The following LAMA3 variants were observed in gnomAD, a reference collection of about 807,000 sequenced individuals.
LAMA3 encodes the protein laminin subunit alpha 3.
In LAMA3, 281 loss-of-function variants were observed where a neutral mutation model predicts 402.0. That is an observed-to-expected ratio of 0.70 (90% CI 0.63 to 0.77). LAMA3 has a LOEUF of 0.77. LAMA3 is among the 30% of genes least tolerant of loss of function. The pLI is 0.00. For missense variants in LAMA3, 3,840 were observed against 4,215.5 expected (o/e 0.91, Z 2.47); for synonymous variants, 1,431 against 1,558.4 (o/e 0.92, Z 1.93).
rs140017464 is a variant in LAMA3, at chr18:23,818,245, C to T, written c.2148-1596C>T. Among the ~76,000 whole-genome samples, 13 of 152,346 alleles carry T rather than the reference C, an allele frequency of 8.5e-5. No individual in the cohort carries two copies. The East Asian group carries it at 1.3e-3, about 16-fold the overall frequency. ...GCTTCTCCGCTACTTAACCAGCAAACATTTTTTCTTCTTCCAACTATGTAG... is the reference window on the plus strand; with the variant it reads ...GCTTCTCCGCTACTTAACCAGCAAATATTTTTTCTTCTTCCAACTATGTAG... On this transcript the variant is annotated intron_variant, in intron 18 of 74. Transcript: ENST00000313654.
chr18:23,801,747 A>G (rs1415484786), intron 12 of LAMA3, among the ~76,000 whole-genome samples: 1 of 152,132 alleles, frequency 6.6e-6, no homozygotes. Context: ...TCTAACGGAG[A>G]TGATATCTCA....
intron 69 of LAMA3, 29 bp from the exon 70 acceptor site, chr18:23,946,115 A>G: frequency 6.2e-7 from 1 of 1,609,168 alleles, no homozygotes; most frequent in Non-Finnish European, 8.5e-7. Context: ...AGGTAAAAAT[A>G]CAACTCACGT....
chr18:23,953,164 C>G, intron 74 of LAMA3, 55 bp downstream of exon 74: 8 of 1,607,574 alleles, frequency 5.0e-6, no homozygotes, highest in Non-Finnish European at 6.0e-6. Flanking sequence ...TCTGAACATT[C>G]ACTTCTTAAT....
At chr18:23,790,469 A>G (rs1222067260) in intron 12 of LAMA3, among the ~76,000 whole-genome samples, 1 of 152,230 alleles carries the variant, frequency 6.6e-6, no homozygotes, top group South Asian at 2.1e-4. Flanking sequence ...TACTGTGAAC[A>G]TGGCCAAAAA....
chr18:23,798,212 T>A (rs1301130392), intron 12 of LAMA3, among the ~76,000 whole-genome samples: 1 of 152,100 alleles, frequency 6.6e-6, no homozygotes, highest in Non-Finnish European at 1.5e-5. Flanking sequence ...TAGTTAGTAC[T>A]GGGAACAGAG....
Position 23,905,624 on chromosome 18 carries a change from G to A in LAMA3, c.6718G>A (p.Glu2240Lys), listed in dbSNP as rs1599056358. The A allele has an allele frequency of 1.3e-6, 2 of 1,561,494 alleles. No homozygotes were observed. Among genetic ancestry groups the A allele is most frequent in the Non-Finnish European group, 1.8e-6 (2 of 1,132,972 alleles). Reference protein sequence around the residue: ...AKMTQKKLKQEVSPALNNLQQ... With the variant: ...AKMTQKKLKQKVSPALNNLQQ... ...GATGACACAAAAGAAGCTAAAGCAA[G>A]GTATTAGGGGGAGTGGGCAATGGCA... Residue 2240 changes from glutamate to lysine, a missense_variant and splice_region_variant, in exon 52 of 75, where the codon GAA becomes AAA. Transcript: ENST00000313654.
In LAMA3 at chr18:23,928,527, C is replaced by T. The variant is rs1443077391; in HGVS notation, c.8296-98C>T. The T allele has an allele frequency of 4.3e-6, 5 of 1,174,012 alleles. No individual in the cohort carries two copies. The East Asian group carries it at 1.2e-4, about 27-fold the overall frequency. 72.7% of individuals were successfully genotyped at this position (1,174,012 alleles called of 1,614,324 possible). On this transcript the variant is annotated intron_variant, in intron 63 of 74. Transcript: ENST00000313654. ...TTTCTTTCTGAGGTTACATAAATCA[C>T]ATTAATCAGTTTGAGTAAAGTGAGA...
chr18:23,846,185 A>T (rs1292130801), intron 30 of LAMA3, 112 bp from the exon 31 acceptor site: 17 of 1,089,814 alleles, frequency 1.6e-5, no homozygotes, highest in Non-Finnish European at 2.4e-5. Flanking sequence ...CTCCAGAACC[A>T]TGAGCCCGTC....
chr18:23,894,832 C>T, intron 43 of LAMA3, 75 bp from the exon 44 acceptor site: 1 of 1,586,220 alleles, frequency 6.3e-7, no homozygotes, highest in Non-Finnish European at 8.7e-7. Context: ...AACTGGGCTG[C>T]ATAGCACTTG....
At chr18:23,799,319 T>C (rs533588248) in intron 12 of LAMA3, among the ~76,000 whole-genome samples, 39 of 152,348 alleles carry the variant, frequency 2.6e-4, no homozygotes, top group Middle Eastern at 3.4e-3. Context: ...AATTGAAATA[T>C]TTTTAAAGCC....
At position 23,861,667 on chromosome 18, in the gene LAMA3, C is replaced by T; in HGVS notation, c.4444C>T (p.His1482Tyr). Reference protein sequence around the residue: ...RTKFVDMLGWHLETADRVDIP... With the variant: ...RTKFVDMLGWYLETADRVDIP... ...CCAGTTTGTGGATATGCTGGGCTGG[C>T]ACCTGGAGACAGCAGACAGAGTGGA... Residue 1482 changes from histidine (H) to tyrosine (Y), a missense_variant, in exon 35 of 75, where the codon CAC becomes TAC. Physicochemically the swap from His to Tyr is moderately conservative, Grantham distance 83. Around this residue, in one of 3 missense-constraint regions of LAMA3, gnomAD observed 2,109 missense variants for 2,376.0 expected, o/e 0.89. Coordinates refer to ENST00000313654, the MANE Select transcript of LAMA3 (RefSeq NM_198129.4). 1.2e-6 allele frequency: 2 copies of T among 1,614,184 alleles called. No individual in the cohort carries two copies. The highest frequency in any genetic ancestry group is 1.7e-6 in the Non-Finnish European group (2 of 1,180,044).
At chr18:23,730,635 G>A (rs962680985) in intron 2 of LAMA3, among the ~76,000 whole-genome samples, 1 of 151,944 alleles carries the variant, frequency 6.6e-6, no homozygotes, top group Non-Finnish European at 1.5e-5. Context: ...CCAAAGTGCT[G>A]GGATTACAGG....
chr18:23,729,367 A>G (rs2061353711), intron 2 of LAMA3, among the ~76,000 whole-genome samples: 1 of 152,228 alleles, frequency 6.6e-6, no homozygotes, highest in African/African-American at 2.4e-5. Flanking sequence ...TCCCTCATAT[A>G]CATACCAAAG....
chr18:23,731,519 A>C (rs2061394501), intron 2 of LAMA3, among the ~76,000 whole-genome samples: 1 of 152,188 alleles, frequency 6.6e-6, no homozygotes, highest in South Asian at 2.1e-4. Context: ...ACTTTGTACT[A>C]TCTACCTGAA....
chr18:23,837,137 T>C lies in LAMA3; in HGVS notation c.3093+48T>C, dbSNP rs748160760. 6.1e-6 allele frequency: 8 copies of C among 1,306,498 alleles called. No homozygotes were observed. The East Asian group carries it at 7.1e-5, about 12-fold the overall frequency. 80.9% of individuals were successfully genotyped at this position (1,306,498 alleles called of 1,614,324 possible). A position where few individuals can be genotyped will look rare whatever the true frequency, so the allele number is the denominator to read the frequency against. ...GAATTTTAGAAGCATTTTGCTGATA[T>C]CTATATTTTTTGAAGCTTATTAAAA... On this transcript the variant is annotated intron_variant, in intron 25 of 74. Transcript: ENST00000313654.
Position 23,943,896 on chromosome 18 carries a change from C to T in LAMA3, c.9135C>T (p.Val3045=), listed in dbSNP as rs773209551. ...TTTATCTTTCAAAAGGACGTCTGGT[C>T]TTTGCACTGGGGACAGATGGGAAAA... ...MALYLSKGRL[V]FALGTDGKKL... Residue 3045 remains valine (V), a synonymous_variant, in exon 69 of 75, where the codon GTC becomes GTT. Transcript: ENST00000313654. 1 of 1,614,078 alleles carries T rather than the reference C, an allele frequency of 6.2e-7. No homozygotes were observed. The highest frequency in any genetic ancestry group is 8.5e-7 in the Non-Finnish European group (1 of 1,179,950).
intron 44 of LAMA3, chr18:23,898,391 G>T: frequency 3.9e-6 from 1 of 259,624 alleles, no homozygotes; most frequent in Non-Finnish European, 7.4e-6. Context: ...TTTTAGTGTT[G>T]TCAGGTTAAC....
At chr18:23,940,309 G>C (rs76668921) in intron 68 of LAMA3, among the ~76,000 whole-genome samples, 1,909 of 152,314 alleles carry the variant, frequency 0.013, 37 homozygotes, top group African/African-American at 0.043. Context: ...GGTGCCTGCA[G>C]TGCCCCCAAG....
intron 44 of LAMA3, among the ~76,000 whole-genome samples, chr18:23,895,264 A>G (rs764622588): frequency 6.6e-6 from 1 of 152,212 alleles, no homozygotes; most frequent in Non-Finnish European, 1.5e-5. Context: ...AACAATACTT[A>G]CTGAACATTT....
Sources: allele counts gnomAD v4.1 joint callset (sites outside exome capture counted in the v4.1 genomes callset), GRCh38; gene constraint gnomAD v4.1.1; regional missense constraint gnomAD v4.1.1; transcripts MANE v1.5; gene names NCBI Gene and HGNC (gene_info 2026-07-23, HGNC 2026-07-21).